Variants in NUTM2A observed in about 807,000 individuals in gnomAD.
NUTM2A encodes NUT family member 2A, also known as family with sequence similarity 22, member A.
Under a neutral mutation model 24.4 loss-of-function variants are expected in NUTM2A, and 3 were observed. The observed-to-expected ratio is 0.12, with a 90% CI of 0.06 to 0.32. NUTM2A has a LOEUF of 0.32. Ranked by LOEUF, NUTM2A falls within the 10% of genes least tolerant of loss-of-function variation. The pLI is 1.00. For missense variants in NUTM2A, 39 were observed against 631.1 expected, an observed-to-expected ratio of 0.06 and a Z score of 10.05; for synonymous variants, 11 against 278.4, an observed-to-expected ratio of 0.04 and a Z score of 9.56.
chr10:87,229,333 A>G (rs1198148443), intron 2 of NUTM2A, among the ~76,000 whole-genome samples: 2 of 152,228 alleles, frequency 1.3e-5, no homozygotes, highest in Non-Finnish European at 1.5e-5. Flanking sequence ...ATTGATGGCC[A>G]GGAGCACCTC....
intron 2 of NUTM2A, 138 bp downstream of exon 2, chr10:87,229,100 T>C: frequency 6.5e-7 from 1 of 1,537,988 alleles, no homozygotes; most frequent in South Asian, 1.1e-5. Flanking sequence ...GGAAGGTATA[T>C]TTTTGACCAT....
chr10:87,229,171 GTCC>G (rs1185310656), intron 2 of NUTM2A, among the ~76,000 whole-genome samples: 1 of 152,178 alleles, frequency 6.6e-6, no homozygotes, highest in Non-Finnish European at 1.5e-5. Flanking sequence ...GCCCGTCACT[GTCC>G]CGTGAGTCCA....
At position 87,234,935 on chromosome 10, in the gene NUTM2A, G is replaced by A; in HGVS notation, c.*227G>A. 6.9e-7 allele frequency: 1 copy of A among 1,443,212 alleles called. No homozygotes were observed. Among genetic ancestry groups the A allele is most frequent in the Non-Finnish European group, 9.2e-7 (1 of 1,092,274 alleles). 89.4% of individuals were successfully genotyped at this position (1,443,212 alleles called of 1,614,324 possible). A position where few individuals can be genotyped will look rare whatever the true frequency, so the allele number is the denominator to read the frequency against. On this transcript the variant is annotated 3_prime_UTR_variant, in exon 7 of 7. Coordinates refer to ENST00000381707, the MANE Select transcript of NUTM2A (RefSeq NM_001099338.2). ...GTGGGGGTGGGAAGCAGTGCGTTGG[G>A]GGCCTCGTGTGTAAGTGTGAATAAA... is the stretch of plus-strand genomic sequence containing the variant.
intron 2 of NUTM2A, among the ~76,000 whole-genome samples, chr10:87,229,210 CACA>C (rs1368373447): frequency 6.6e-6 from 1 of 152,184 alleles, no homozygotes; most frequent in Non-Finnish European, 1.5e-5. Flanking sequence ...CAATAATTTT[CACA>C]ACAATGTTTA....
intron 2 of NUTM2A, among the ~76,000 whole-genome samples, chr10:87,229,338 C>T (rs1248817903): frequency 2.6e-5 from 4 of 152,218 alleles, no homozygotes; most frequent in Non-Finnish European, 5.9e-5. Flanking sequence ...TGGCCAGGAG[C>T]ACCTCACATG....
At chr10:87,229,498 TC>T (rs1210412673) in intron 2 of NUTM2A, among the ~76,000 whole-genome samples, 10 of 152,354 alleles carry the variant, frequency 6.6e-5, no homozygotes, top group African/African-American at 2.4e-4. Context: ...GGTATTTGCA[TC>T]TTCACCCTCA....
chr10:87,229,073 T>A, intron 2 of NUTM2A, 111 bp downstream of exon 2: 1 of 1,460,010 alleles, frequency 6.8e-7, no homozygotes, highest in Non-Finnish European at 9.6e-7. Context: ...GTTGTGAGGG[T>A]GATGGGCTGC....
chr10:87,229,142 CA>C (rs1849352812), intron 2 of NUTM2A, among the ~76,000 whole-genome samples, 180 bp downstream of exon 2: 1 of 152,206 alleles, frequency 6.6e-6, no homozygotes, highest in South Asian at 2.1e-4. Flanking sequence ...GACAGACTGT[CA>C]GGGGCCTCAT....
chr10:87,229,106 A>C, intron 2 of NUTM2A, 144 bp downstream of exon 2: 1 of 1,530,530 alleles, frequency 6.5e-7, no homozygotes. Context: ...TATATTTTTG[A>C]CCATATTAAT....
chr10:87,229,523 A>G (rs1849359543), intron 2 of NUTM2A, among the ~76,000 whole-genome samples: 2 of 152,364 alleles, frequency 1.3e-5, no homozygotes, highest in South Asian at 2.1e-4. Context: ...CCTCCTAGAA[A>G]AAGGGACAAT....
intron 2 of NUTM2A, among the ~76,000 whole-genome samples, chr10:87,229,204 A>G (rs1277563939): frequency 6.6e-6 from 1 of 152,170 alleles, no homozygotes; most frequent in Non-Finnish European, 1.5e-5. Context: ...TACTTTCAAT[A>G]ATTTTCACAA....
rs1361878941 is a variant in NUTM2A at position 87,232,786 on chromosome 10, TC to T, written c.1541del (p.Pro514GlnfsTer34). On this transcript the variant is annotated frameshift_variant, in exon 5 of 7. Coordinates refer to ENST00000381707, the MANE Select transcript of NUTM2A (RefSeq NM_001099338.2). LOFTEE classifies it high-confidence loss of function. ...RPAETKVPEE[I>X]PPEVVQEYVD... ...GCAGAGACCAAGGTCCCTGAGGAGA[TC>T]CCCCCAGAAGTGGTGCAGGAGTATG... 1.8e-5 allele frequency: 24 copies of T among 1,300,578 alleles called. No homozygotes were observed. The highest frequency in any genetic ancestry group is 5.2e-4 in the Middle Eastern group (2 of 3,872). 80.6% of individuals were successfully genotyped at this position (1,300,578 alleles called of 1,614,324 possible).
Position 87,228,799 on chromosome 10 carries a change from G to A in NUTM2A, c.919G>A (p.Gly307Arg), listed in dbSNP as rs576208053. 91 of 1,324,608 alleles carry A rather than the reference G, an allele frequency of 6.9e-5. No homozygotes were observed. The South Asian group carries it at 8.3e-4, about 12-fold the overall frequency. The allele number at this position is 1,324,608 out of a possible 1,614,324, so 82.1% of individuals were successfully genotyped here. A position where few individuals can be genotyped will look rare whatever the true frequency, so the allele number is the denominator to read the frequency against. ...NAGPWPQGAH[G>R]EGSLASSQAK... ...TGGGCCATGGCCACAAGGGGCTCAC[G>A]GAGAGGGCAGCCTGGCTTCCTCCCA... Residue 307 changes from glycine (G) to arginine (R), a missense_variant, in exon 2 of 7, where the codon GGA (glycine) becomes AGA (arginine). Coordinates refer to ENST00000381707, the MANE Select transcript of NUTM2A (RefSeq NM_001099338.2).
chr10:87,228,370 C>T lies in NUTM2A; in HGVS notation c.490C>T (p.Leu164Phe), dbSNP rs1372688626. 1 of 1,611,646 alleles carries T rather than the reference C, an allele frequency of 6.2e-7. No individual in the cohort carries two copies. The highest frequency in any genetic ancestry group is 1.7e-5 in the Admixed American group (1 of 60,028). The change falls in exon 2 of 7, where the codon CTC becomes TTC. Residue 164 changes from leucine to phenylalanine, a missense_variant. Coordinates refer to ENST00000381707, the MANE Select transcript of NUTM2A (RefSeq NM_001099338.2). ...TPAPGPAHGP[L>F]LVTAGAPPGG... ...CGCTCCCGGCCCAGCACACGGGCCG[C>T]TCCTTGTGACTGCAGGGGCTCCTCC... is the stretch of plus-strand genomic sequence containing the variant.
At position 87,229,427 on chromosome 10, in the gene NUTM2A, C is replaced by T. The variant is rs1484806896; in HGVS notation, c.1082+465C>T. Reference sequence around the variant, plus strand: ...TTCCGCTGAGGTCCAGTTAGCACAGCGGTGGTGGAGCCTGCACAGGGGGAT... The same window carrying T: ...TTCCGCTGAGGTCCAGTTAGCACAGTGGTGGTGGAGCCTGCACAGGGGGAT... On this transcript the variant is annotated intron_variant, in intron 2 of 6. Transcript: ENST00000381707. Among the ~76,000 whole-genome samples the T allele has an allele frequency of 5.9e-5, 9 of 152,364 alleles. No individual in the cohort carries two copies. The East Asian group carries it at 1.3e-3, about 23-fold the overall frequency.
rs1311056131 is a variant in NUTM2A at position 87,226,176 on chromosome 10, G to A, written c.346G>A (p.Val116Ile). The A allele has an allele frequency of 2.7e-5, 2 of 75,024 alleles. 1 individual carries two copies. Among genetic ancestry groups the A allele is most frequent in the African/African-American group, 9.4e-5 (2 of 21,260 alleles). 4.6% of individuals were successfully genotyped at this position (75,024 alleles called of 1,614,324 possible). A position where few individuals can be genotyped will look rare whatever the true frequency, so the allele number is the denominator to read the frequency against. ...SHCGNCQTAVVSAQPEGMASN... is the reference protein window; with the variant it reads ...SHCGNCQTAVISAQPEGMASN... ...TTGCGGAAACTGCCAGACAGCGGTG[G>A]TCAGTGCCCAGCCTGAGGGGATGGC... Residue 116 changes from valine (V) to isoleucine (I), a missense_variant, in exon 1 of 7, where the codon GTC (valine) becomes ATC (isoleucine). Physicochemically the swap from Val to Ile is conservative, Grantham distance 29 (BLOSUM62 3). Coordinates refer to ENST00000381707, the MANE Select transcript of NUTM2A (RefSeq NM_001099338.2).
At chr10:87,229,189 AT>A (rs1360249912) in intron 2 of NUTM2A, among the ~76,000 whole-genome samples, 2 of 152,188 alleles carry the variant, frequency 1.3e-5, no homozygotes, top group Non-Finnish European at 2.9e-5. Flanking sequence ...AGTCCAGCCA[AT>A]CCTTACTTTC....
At chr10:87,229,401 G>A (rs1849357229) in intron 2 of NUTM2A, among the ~76,000 whole-genome samples, 1 of 152,238 alleles carries the variant, frequency 6.6e-6, no homozygotes, top group Non-Finnish European at 1.5e-5. Flanking sequence ...CATGCCCGCA[G>A]TTCCGCTGAG....
At chr10:87,229,088 T>G (rs1382912217) in intron 2 of NUTM2A, 126 bp downstream of exon 2, 2 of 1,525,754 alleles carry the variant, frequency 1.3e-6, no homozygotes, top group Non-Finnish European at 1.8e-6. Flanking sequence ...GGCTGCACTA[T>G]GGGAAGGTAT....
Sources: gnomAD v4.1 joint callset for allele counts (sites outside exome capture counted in the v4.1 genomes callset) on GRCh38, gnomAD v4.1.1 for gene constraint, MANE v1.5 for transcripts, NCBI Gene and HGNC (gene_info 2026-07-23, HGNC 2026-07-21) for gene names.